GRM5: variants seen among roughly 807,000 people sequenced by gnomAD.
GRM5 encodes metabotropic glutamate receptor 5.
GRM5 carries 19 observed loss-of-function variants against 83.1 expected under a neutral mutation model. The ratio of observed to expected loss-of-function variants is 0.23; its 90% CI spans 0.16 to 0.34. The LOEUF (loss-of-function observed/expected upper bound fraction) is 0.34. Among genes scored for constraint, GRM5 ranks in the 10% least tolerant of loss-of-function variants. The pLI, the probability that GRM5 is intolerant of heterozygous loss-of-function variation, is 1.00. For synonymous variants in GRM5, 675 were observed against 633.6 expected (o/e 1.07, Z -0.98); for missense variants, 1,160 against 1,588.3 (o/e 0.73, Z 4.58).
intron 3 of GRM5, among the ~76,000 whole-genome samples, chr11:88,765,135 T>G (rs1396396362): frequency 6.6e-6 from 1 of 151,200 alleles, no homozygotes; most frequent in East Asian, 1.9e-4. Flanking sequence ...ACACAAAACC[T>G]CCAAGACTAA....
rs187065825 is a variant in GRM5 at position 88,846,581 on chromosome 11, C to T, written c.911+3325G>A. Among the ~76,000 whole-genome samples the T allele has an allele frequency of 2.2e-4, 34 of 152,244 alleles. No individual in the cohort carries two copies. In the East Asian group the frequency reaches 5.2e-3, roughly 23 times the overall value. ...AGTCCTGCCAAGCACTTAAGTTGAA[C>T]GACCTATTAAACATGGTTGACCTAA... On this transcript the variant is annotated intron_variant, in intron 3 of 9. Transcript: ENST00000305447.
intron 3 of GRM5, among the ~76,000 whole-genome samples, chr11:88,727,788 A>C (rs1172223232): frequency 1.3e-5 from 2 of 152,222 alleles, no homozygotes; most frequent in African/African-American, 4.8e-5. Context: ...ACTACTGAGT[A>C]AATAACAAAA....
rs1941236670 is a variant in GRM5, at chr11:88,508,350, G to A, written c.*242C>T. The A allele has an allele frequency of 1.2e-5, 5 of 430,866 alleles. No individual in the cohort carries two copies. Among genetic ancestry groups the A allele is most frequent in the African/African-American group, 4.2e-5 (2 of 47,760 alleles). The allele number at this position is 430,866 out of a possible 1,614,324, so 26.7% of individuals were successfully genotyped here. On this transcript the variant is annotated 3_prime_UTR_variant, in exon 10 of 10. Transcript: ENST00000305447. The surrounding 1 kb of genome is among the most constrained non-coding windows in gnomAD (Gnocchi z 4.2). ...GCCTTGTCAGCCCTCAAAGATATCAGCCGTGTTTCTTAAAAGCCCATGTTT... is the reference window on the plus strand; with the variant it reads ...GCCTTGTCAGCCCTCAAAGATATCAACCGTGTTTCTTAAAAGCCCATGTTT...
At chr11:88,512,676 T>C (rs1941410306) in intron 9 of GRM5, among the ~76,000 whole-genome samples, 1 of 152,194 alleles carries the variant, frequency 6.6e-6, no homozygotes, top group South Asian at 2.1e-4. Context: ...AGAATAATCT[T>C]TTTAAGCCTC....
At chr11:89,009,805 G>C (rs1235367875) in intron 2 of GRM5, among the ~76,000 whole-genome samples, 3 of 147,964 alleles carry the variant, frequency 2.0e-5, no homozygotes, top group Non-Finnish European at 4.5e-5. Context: ...GGAGGCTGAG[G>C]CAGGAGAATG....
At position 88,959,749 on chromosome 11, in the gene GRM5, G is replaced by A. The variant is rs183706643; in HGVS notation, c.661+87463C>T. Among the ~76,000 whole-genome samples the A allele has an allele frequency of 3.1e-3, 477 of 152,256 alleles. 2 individuals carry two copies. Among genetic ancestry groups the A allele is most frequent in the Non-Finnish European group, 5.5e-3 (376 of 68,030 alleles). ...GTCAGCCAGAGACACAGAGCTCTGG[G>A]TTAGAACCACTGCCTAGCCAGGAAG... On this transcript the variant is annotated intron_variant, in intron 2 of 9. Coordinates refer to ENST00000305447, the MANE Select transcript of GRM5 (RefSeq NM_001143831.3).
At chr11:88,942,058 A>G (rs1187300960) in intron 2 of GRM5, among the ~76,000 whole-genome samples, 1 of 152,014 alleles carries the variant, frequency 6.6e-6, no homozygotes, top group Non-Finnish European at 1.5e-5. Flanking sequence ...ACAAAAACAA[A>G]ACACAGAAAT....
chr11:89,033,724 T>G (rs1941318362), intron 2 of GRM5, among the ~76,000 whole-genome samples: 1 of 151,824 alleles, frequency 6.6e-6, no homozygotes, highest in African/African-American at 2.4e-5. Flanking sequence ...CATACTCAAA[T>G]TACTAATCTC....
intron 3 of GRM5, among the ~76,000 whole-genome samples, chr11:88,831,458 A>G (rs1261135267): frequency 6.6e-6 from 1 of 152,166 alleles, no homozygotes; most frequent in Non-Finnish European, 1.5e-5. Flanking sequence ...CTGCCTCCCT[A>G]ACCAAGCATT....
chr11:88,987,880 C>T (rs922355678), intron 2 of GRM5, among the ~76,000 whole-genome samples: 1 of 150,620 alleles, frequency 6.6e-6, no homozygotes, highest in Non-Finnish European at 1.5e-5. Context: ...CATCAAAGAC[C>T]AAAAGTAGAT....
chr11:88,545,098 C>G (rs535416833), intron 8 of GRM5, among the ~76,000 whole-genome samples: 2 of 152,184 alleles, frequency 1.3e-5, no homozygotes, highest in Non-Finnish European at 2.9e-5. Flanking sequence ...TCTATCTAAC[C>G]TGACTCATCT....
intron 8 of GRM5, among the ~76,000 whole-genome samples, chr11:88,559,785 T>C (rs1352613011): frequency 1.3e-5 from 2 of 152,170 alleles, no homozygotes; most frequent in African/African-American, 4.8e-5. Context: ...GTTCATGGTA[T>C]AGTGTGTGTC....
chr11:88,628,078 C>T (rs554339521), intron 4 of GRM5, among the ~76,000 whole-genome samples: 2 of 151,920 alleles, frequency 1.3e-5, no homozygotes, highest in African/African-American at 2.4e-5. Context: ...AAATACTCTG[C>T]CTCCAACTCC....
At chr11:89,027,850 A>G (rs186680138) in intron 2 of GRM5, among the ~76,000 whole-genome samples, 30 of 152,342 alleles carry the variant, frequency 2.0e-4, no homozygotes, top group African/African-American at 7.2e-4. Flanking sequence ...TCTCCAAAAC[A>G]CATGTTGAAA....
intron 2 of GRM5, among the ~76,000 whole-genome samples, chr11:88,866,056 A>G (rs655309): frequency 0.75 from 113,240 of 151,996 alleles, 42,915 homozygotes; most frequent in East Asian, 0.92. Flanking sequence ...CCCATTACTG[A>G]GTATATACCC....
chr11:88,800,678 A>G (rs913606706), intron 3 of GRM5, among the ~76,000 whole-genome samples: 1 of 152,108 alleles, frequency 6.6e-6, no homozygotes, highest in Non-Finnish European at 1.5e-5. Flanking sequence ...GATATGATGG[A>G]AACAGCAAGT....
intron 2 of GRM5, among the ~76,000 whole-genome samples, chr11:88,963,532 T>C (rs1251326654): frequency 1.3e-5 from 2 of 152,230 alleles, no homozygotes; most frequent in Admixed American, 6.5e-5. Context: ...AATACAGTTA[T>C]GCTATTTAGC....
At chr11:88,630,151 C>T (rs913319577) in intron 4 of GRM5, among the ~76,000 whole-genome samples, 1 of 152,144 alleles carries the variant, frequency 6.6e-6, no homozygotes, top group Non-Finnish European at 1.5e-5. Flanking sequence ...AGGTCACCCT[C>T]CCCAACATTC....
intron 2 of GRM5, among the ~76,000 whole-genome samples, chr11:88,907,016 A>G (rs1345733623): frequency 6.6e-6 from 1 of 151,922 alleles, no homozygotes; most frequent in African/African-American, 2.4e-5. Context: ...TGAGGATTTG[A>G]GGCAGTTTGG....
Sources: gnomAD v4.1 joint callset for allele counts (sites outside exome capture counted in the v4.1 genomes callset) on GRCh38, gnomAD v4.1.1 for gene constraint, Gnocchi (gnomAD v3.1) non-coding constraint, MANE v1.5 for transcripts, NCBI Gene and HGNC (gene_info 2026-07-23, HGNC 2026-07-21) for gene names.